DCX: variants seen among roughly 807,000 people sequenced by gnomAD.
The protein encoded by DCX is neuronal migration protein doublecortin.
A neutral mutation model predicts 20.9 loss-of-function variants in DCX; 4 were observed. That is an observed-to-expected ratio of 0.19 (90% confidence interval 0.09 to 0.44). DCX has a LOEUF of 0.44. Among genes scored for constraint, DCX ranks in the 20% least tolerant of loss-of-function variants. DCX has a pLI of 0.99. For synonymous variants in DCX, 103 were observed against 111.4 expected (o/e 0.92, Z 0.47); for missense variants, 133 against 296.9 (o/e 0.45, Z 4.06).
chrX:111,374,077 C>T (rs375004761), intron 3 of DCX, among the ~76,000 whole-genome samples: 60 of 112,136 alleles, frequency 5.4e-4, no homozygotes, highest in African/African-American at 1.9e-3. Flanking sequence ...CATGTAATTG[C>T]AGTGTTCATG....
intron 3 of DCX, among the ~76,000 whole-genome samples, chrX:111,383,344 A>C (rs1366154114): frequency 8.9e-6 from 1 of 112,076 alleles, no homozygotes; most frequent in Non-Finnish European, 1.9e-5. Context: ...TTCATTTGCC[A>C]AAATTTTAAT....
Position 111,294,283 on chromosome X carries a change from G to C in DCX, c.*7404C>G, listed in dbSNP as rs2095015131. 1 of 110,712 alleles carries C rather than the reference G, an allele frequency of 9.0e-6. No homozygotes were observed. The highest frequency in any genetic ancestry group is 1.9e-5 in the Non-Finnish European group (1 of 52,922). 9.1% of individuals were successfully genotyped at this position (110,712 alleles called of 1,213,427 possible). A position where few individuals can be genotyped will look rare whatever the true frequency, so the allele number is the denominator to read the frequency against. On this transcript the variant is annotated 3_prime_UTR_variant, in exon 7 of 7. Coordinates refer to ENST00000636035, the MANE Select transcript of DCX (RefSeq NM_001195553.2). ...TAACTATTCTAAATAGGTGGCTAAA[G>C]TTCTTAAATATCTGTTTTATTTCTC... is the stretch of plus-strand genomic sequence containing the variant.
chrX:111,354,942 G>A (rs1003366198), intron 3 of DCX, among the ~76,000 whole-genome samples: 6 of 112,211 alleles, frequency 5.3e-5, no homozygotes, highest in African/African-American at 1.9e-4. Context: ...TGCATGATGA[G>A]ATTTCCTAAT....
At chrX:111,349,412 C>A (rs1184379897) in intron 3 of DCX, among the ~76,000 whole-genome samples, 1 of 111,640 alleles carries the variant, frequency 9.0e-6, no homozygotes, top group Non-Finnish European at 1.9e-5. Context: ...CAAAGGAGTG[C>A]AAACTGATTT....
chrX:111,352,669 G>A (rs1923407060), intron 3 of DCX, among the ~76,000 whole-genome samples: 3 of 111,460 alleles, frequency 2.7e-5, no homozygotes, highest in African/African-American at 9.8e-5. Context: ...CATTTCATTA[G>A]GGAACACCAA....
chrX:111,294,178 AT>A lies in DCX; in HGVS notation c.*7508del, dbSNP rs2095014847. The A allele has an allele frequency of 8.9e-6, 1 of 111,823 alleles. No individual in the cohort carries two copies. Among genetic ancestry groups the A allele is most frequent in the Admixed American group, 9.5e-5 (1 of 10,533 alleles). 9.2% of individuals were successfully genotyped at this position (111,823 alleles called of 1,213,427 possible). On this transcript the variant is annotated 3_prime_UTR_variant, in exon 7 of 7. Coordinates refer to ENST00000636035, the MANE Select transcript of DCX (RefSeq NM_001195553.2). ...CTTGAAATACTGCTTTTGAATCACA[AT>A]TTCAGAGTAGGTTAGGTATTGCCTA...
chrX:111,361,287 A>G (rs151152296), intron 3 of DCX, among the ~76,000 whole-genome samples: 1,814 of 112,102 alleles, frequency 0.016, 42 homozygotes, highest in African/African-American at 0.055. Flanking sequence ...ATAATGAACT[A>G]ATATATTATG....
intron 5 of DCX, among the ~76,000 whole-genome samples, chrX:111,326,838 G>A (rs2095100643): frequency 9.0e-6 from 1 of 111,469 alleles, no homozygotes; most frequent in Non-Finnish European, 1.9e-5. Context: ...GACAACTTAA[G>A]GTCTAAAGAC....
At chrX:111,404,995 T>C (rs187762988) in intron 2 of DCX, among the ~76,000 whole-genome samples, 6 of 112,223 alleles carry the variant, frequency 5.3e-5, no homozygotes, top group Non-Finnish European at 9.4e-5. Context: ...GAGGGAAAGC[T>C]GGCTTCACAG....
At chrX:111,386,937 G>A (rs1302322424) in intron 3 of DCX, among the ~76,000 whole-genome samples, 1 of 111,452 alleles carries the variant, frequency 9.0e-6, no homozygotes, top group African/African-American at 3.3e-5. Context: ...TATTGACAGC[G>A]TTTTATTACC....
intron 3 of DCX, among the ~76,000 whole-genome samples, chrX:111,343,022 C>T (rs894175699): frequency 9.1e-6 from 1 of 109,901 alleles, no homozygotes; most frequent in Non-Finnish European, 1.9e-5. Context: ...GAGGCAAGAG[C>T]AAACTAATCC....
intron 5 of DCX, among the ~76,000 whole-genome samples, chrX:111,324,558 ACT>A (rs963192020): frequency 8.0e-5 from 9 of 111,857 alleles, no homozygotes; most frequent in African/African-American, 2.6e-4. Context: ...AGGTCACTAA[ACT>A]TTTGTATGCC....
intron 3 of DCX, among the ~76,000 whole-genome samples, chrX:111,351,289 G>A (rs1237764524): frequency 8.9e-6 from 1 of 112,068 alleles, no homozygotes; most frequent in Non-Finnish European, 1.9e-5. Context: ...TCTCTCTTCT[G>A]GCCTCTGGGT....
At chrX:111,388,617 G>A (rs1926705613) in intron 3 of DCX, among the ~76,000 whole-genome samples, 1 of 112,105 alleles carries the variant, frequency 8.9e-6, no homozygotes, top group African/African-American at 3.2e-5. Flanking sequence ...TTTCCAAGAG[G>A]AGACTATACT....
At chrX:111,302,556 C>A (rs941006778) in intron 6 of DCX, among the ~76,000 whole-genome samples, 1 of 112,140 alleles carries the variant, frequency 8.9e-6, no homozygotes, top group Admixed American at 9.5e-5. Context: ...ATACCATTTA[C>A]AGTCTCACCT....
intron 5 of DCX, among the ~76,000 whole-genome samples, chrX:111,313,571 C>T (rs78340377): frequency 3.6e-5 from 4 of 112,029 alleles, no homozygotes; most frequent in East Asian, 2.8e-4. Flanking sequence ...TCAGGGTTCA[C>T]CCACATTTGG....
rs994521973 is a variant in DCX at position 111,296,990 on chromosome X, T to C, written c.*4697A>G. The C allele has an allele frequency of 1.1e-4, 12 of 110,473 alleles. No homozygotes were observed. Among genetic ancestry groups the C allele is most frequent in the African/African-American group, 3.6e-4 (11 of 30,313 alleles). The allele number at this position is 110,473 out of a possible 1,213,427, so 9.1% of individuals were successfully genotyped here. A position where few individuals can be genotyped will look rare whatever the true frequency, so the allele number is the denominator to read the frequency against. On this transcript the variant is annotated 3_prime_UTR_variant, in exon 7 of 7. Coordinates refer to ENST00000636035, the MANE Select transcript of DCX (RefSeq NM_001195553.2). ...GGGAAGGCACCTTTTCCTGAAGGGA[T>C]AGATGGGGCAACATTCTCATGCCTC...
chrX:111,411,023 C>G (rs568674887), intron 1 of DCX: 20 of 1,067,227 alleles, frequency 1.9e-5, no homozygotes, highest in Admixed American at 6.6e-5. Flanking sequence ...CCCCTCCCCC[C>G]AGAATAAACT....
chrX:111,393,893 G>A (rs1273842218), intron 3 of DCX, among the ~76,000 whole-genome samples: 1 of 110,404 alleles, frequency 9.1e-6, no homozygotes, highest in East Asian at 2.8e-4. Context: ...CATACAATAC[G>A]AATAAGGATG....
Sources: gnomAD v4.1 joint callset for allele counts (sites outside exome capture counted in the v4.1 genomes callset) on GRCh38, gnomAD v4.1.1 for gene constraint, MANE v1.5 for transcripts, NCBI Gene and HGNC (gene_info 2026-07-23, HGNC 2026-07-21) for gene names.